The following KLHL3 variants were observed in gnomAD, a reference collection of about 807,000 sequenced individuals.
KLHL3 encodes kelch like family member 3.
A neutral mutation model predicts 70.5 loss-of-function variants in KLHL3; 19 were observed. The ratio of observed to expected loss-of-function variants is 0.27; its 90% CI spans 0.19 to 0.40. The LOEUF (loss-of-function observed/expected upper bound fraction) is 0.40. KLHL3 is among the 10% of genes least tolerant of loss of function. The pLI is 1.00. For synonymous variants in KLHL3, 258 were observed against 290.3 expected (o/e 0.89, Z 1.13); for missense variants, 512 against 771.1 (o/e 0.66, Z 3.98).
chr5:137,633,576 T>C (rs1178716253), intron 12 of KLHL3, among the ~76,000 whole-genome samples: 2 of 152,158 alleles, frequency 1.3e-5, no homozygotes, highest in African/African-American at 4.8e-5. Flanking sequence ...TAAGTATCCA[T>C]CAATGGCTGA....
intron 1 of KLHL3, among the ~76,000 whole-genome samples, chr5:137,731,296 C>T (rs1753169673): frequency 6.6e-6 from 1 of 152,124 alleles, no homozygotes; most frequent in Admixed American, 6.5e-5. Context: ...GAAATGCGTG[C>T]ACATCTGCTT....
intron 6 of KLHL3, among the ~76,000 whole-genome samples, chr5:137,664,991 A>G (rs933981368): frequency 6.6e-6 from 1 of 152,116 alleles, no homozygotes; most frequent in African/African-American, 2.4e-5. Context: ...AAGAGGACAA[A>G]CTTATATTCC....
In KLHL3 at chr5:137,619,806, C is replaced by T. The variant is rs1407040455; in HGVS notation, c.*2292G>A. 1 of 152,598 alleles carries T rather than the reference C, an allele frequency of 6.6e-6. No individual in the cohort carries two copies. The highest frequency in any genetic ancestry group is 1.5e-5 in the Non-Finnish European group (1 of 68,034). The allele number at this position is 152,598 out of a possible 1,614,324, so 9.5% of individuals were successfully genotyped here. A position where few individuals can be genotyped will look rare whatever the true frequency, so the allele number is the denominator to read the frequency against. On this transcript the variant is annotated 3_prime_UTR_variant, in exon 15 of 15. Coordinates refer to ENST00000309755, the MANE Select transcript of KLHL3 (RefSeq NM_017415.3). The stretch of plus-strand genomic sequence containing the variant: ...GAAACCAATTGCAAAAATCCAAAAA[C>T]AGAAAACATGACTGGCTAGCTTTCA...
chr5:137,690,763 G>A (rs903164896), intron 5 of KLHL3, among the ~76,000 whole-genome samples: 1 of 152,256 alleles, frequency 6.6e-6, no homozygotes, highest in Admixed American at 6.5e-5. Flanking sequence ...TTGACCAAGA[G>A]GCTAACACAG....
intron 5 of KLHL3, among the ~76,000 whole-genome samples, chr5:137,689,222 T>C (rs1375756313): frequency 2.0e-5 from 3 of 152,240 alleles, no homozygotes; most frequent in African/African-American, 7.2e-5. Context: ...AATGCTTATA[T>C]ACTGCTGGTG....
chr5:137,677,782 A>T (rs964243837), intron 5 of KLHL3, 128 bp from the exon 6 acceptor site: 2 of 519,264 alleles, frequency 3.9e-6, no homozygotes, highest in Admixed American at 7.6e-5. Context: ...AGGGAAAGGG[A>T]GTGAAACAAA....
intron 6 of KLHL3, among the ~76,000 whole-genome samples, chr5:137,674,697 C>T (rs1302008510): frequency 6.6e-6 from 1 of 152,170 alleles, no homozygotes; most frequent in African/African-American, 2.4e-5. Flanking sequence ...CAACTGTTAA[C>T]ATTATATGCA....
At chr5:137,647,554 G>A (rs1348417901) in intron 8 of KLHL3, 2 of 472,084 alleles carry the variant, frequency 4.2e-6, no homozygotes, top group African/African-American at 2.0e-5. Context: ...TGTGACCGGT[G>A]AGCTGGGCAG....
intron 8 of KLHL3, among the ~76,000 whole-genome samples, chr5:137,640,434 A>G (rs1311807369): frequency 6.6e-6 from 1 of 152,270 alleles, no homozygotes; most frequent in Non-Finnish European, 1.5e-5. Flanking sequence ...CAGTATAGAA[A>G]AAAATTGAAA....
Position 137,627,486 on chromosome 5 carries a change from C to CG in KLHL3, c.1591+810_1591+811insC, listed in dbSNP as rs1157983231. Among the ~76,000 whole-genome samples, 27 of 131,006 alleles carry CG rather than the reference C, an allele frequency of 2.1e-4. 2 individuals carry two copies. The highest frequency in any genetic ancestry group is 9.7e-4 in the East Asian group (4 of 4,108). The allele number at this position is 131,006 out of a possible 152,430, so 85.9% of individuals were successfully genotyped here. On this transcript the variant is annotated intron_variant, in intron 13 of 14. Transcript: ENST00000309755. ...ATTAGTAAATATCACCACCCCCCCC[C>CG]CCGGTTTACACTTCCAAGTCAGCCA...
chr5:137,725,314 T>C lies in KLHL3; in HGVS notation c.15-4730A>G, dbSNP rs572266010. On this transcript the variant is annotated intron_variant, in intron 1 of 14. Coordinates refer to ENST00000309755, the MANE Select transcript of KLHL3 (RefSeq NM_017415.3). ...ACGCACACAAATTTTCCAGGCAGAC[T>C]CAGCCATGAGATGTTTTCTGTTGAA... Among the ~76,000 whole-genome samples, 135 of 152,216 alleles carry C rather than the reference T, an allele frequency of 8.9e-4. 1 individual carries two copies. The highest frequency in any genetic ancestry group is 5.6e-3 in the South Asian group (27 of 4,816).
chr5:137,690,675 T>C (rs1048622839), intron 5 of KLHL3, among the ~76,000 whole-genome samples: 1 of 152,170 alleles, frequency 6.6e-6, no homozygotes, highest in African/African-American at 2.4e-5. Flanking sequence ...CATGAGAGTC[T>C]CTGCAGGCTC....
At chr5:137,669,421 G>A (rs1454546388) in intron 6 of KLHL3, among the ~76,000 whole-genome samples, 3 of 152,176 alleles carry the variant, frequency 2.0e-5, no homozygotes, top group Admixed American at 6.5e-5. Flanking sequence ...ATGAATGTAT[G>A]TATGGTTCTC....
chr5:137,718,610 G>T (rs1752940234), intron 2 of KLHL3, among the ~76,000 whole-genome samples: 1 of 152,254 alleles, frequency 6.6e-6, no homozygotes, highest in Middle Eastern at 3.2e-3. Context: ...CACTGGAGTT[G>T]ACTATAATAC....
chr5:137,645,793 GAA>G (rs56383453), intron 8 of KLHL3, among the ~76,000 whole-genome samples: 6 of 150,816 alleles, frequency 4.0e-5, no homozygotes, highest in East Asian at 3.9e-4. Flanking sequence ...ACAAAAATAA[GAA>G]AAAAAAAAAT....
At chr5:137,629,417 A>T (rs1397476474) in intron 12 of KLHL3, 4 of 152,144 alleles carry the variant, frequency 2.6e-5, no homozygotes. Flanking sequence ...ATCTCAATCG[A>T]CTGGGAAGCT....
intron 2 of KLHL3, among the ~76,000 whole-genome samples, chr5:137,718,572 C>G (rs930598749): frequency 1.3e-5 from 2 of 152,214 alleles, no homozygotes; most frequent in Non-Finnish European, 2.9e-5. Flanking sequence ...GTGTACATAT[C>G]TATTCCTAAG....
rs148919274 is a variant in KLHL3 at position 137,661,988 on chromosome 5, G to A, written c.680C>T (p.Thr227Ile). The change falls in exon 7 of 15, where the codon ACC becomes ATC. Residue 227 changes from threonine (T) to isoleucine (I), a missense_variant. Transcript: ENST00000309755. ...VISWINYEKE[T>I]RLEHMAKLME... ...CAGCTTTGCCATGTGCTCTAAACGG[G>A]TTTCTTTCTCATAATTGATCCATGA... The A allele has an allele frequency of 6.2e-7, 1 of 1,612,792 alleles. No individual in the cohort carries two copies. Among genetic ancestry groups the A allele is most frequent in the Non-Finnish European group, 8.5e-7 (1 of 1,179,420 alleles).
intron 3 of KLHL3, chr5:137,706,117 G>C (rs536419027): frequency 1.0e-6 from 1 of 985,334 alleles, no homozygotes; most frequent in East Asian, 1.1e-4. Flanking sequence ...TTGGTATTTG[G>C]AACCACCTCA....
Sources: allele counts gnomAD v4.1 joint callset (sites outside exome capture counted in the v4.1 genomes callset), GRCh38; gene constraint gnomAD v4.1.1; transcripts MANE v1.5; gene names NCBI Gene and HGNC (gene_info 2026-07-23, HGNC 2026-07-21).